Variants in ANKRD9 observed in about 807,000 individuals in gnomAD.
The protein encoded by ANKRD9 is ankyrin repeat domain 9.
A neutral mutation model predicts 19.2 loss-of-function variants in ANKRD9; 13 were observed. The observed-to-expected ratio is 0.68, with a 90% CI of 0.44 to 1.08. The LOEUF is 1.08. Among genes scored for constraint, ANKRD9 ranks in the 50% least tolerant of loss-of-function variants. The pLI is 0.00. For synonymous variants in ANKRD9, 278 were observed against 256.8 expected, an observed-to-expected ratio of 1.08 and a Z score of -0.79; for missense variants, 518 against 499.9, an observed-to-expected ratio of 1.04 and a Z score of -0.34.
Position 102,506,897 on chromosome 14 carries a change from A to T in ANKRD9, c.*39T>A. The T allele has an allele frequency of 7.0e-7, 1 of 1,425,850 alleles. No homozygotes were observed. The allele number at this position is 1,425,850 out of a possible 1,614,324, so 88.3% of individuals were successfully genotyped here. On this transcript the variant is annotated 3_prime_UTR_variant, in exon 4 of 4. Coordinates refer to ENST00000286918, the MANE Select transcript of ANKRD9 (RefSeq NM_152326.4). ...GTGCCGGTACAACGCTCTGAAAAAT[A>T]GTTTTGTCCCAAAATCCAGCGCCTA... is the stretch of plus-strand genomic sequence containing the variant.
Position 102,505,279 on chromosome 14 carries a change from C to CCCG in ANKRD9, c.*1656_*1657insCGG, listed in dbSNP as rs1036617511. The CCCG allele has an allele frequency of 4.6e-5, 7 of 152,062 alleles. No homozygotes were observed. The highest frequency in any genetic ancestry group is 3.2e-3 in the Middle Eastern group (1 of 316). 9.4% of individuals were successfully genotyped at this position (152,062 alleles called of 1,614,324 possible). On this transcript the variant is annotated 3_prime_UTR_variant, in exon 4 of 4. Coordinates refer to ENST00000286918, the MANE Select transcript of ANKRD9 (RefSeq NM_152326.4). ...CCCTCCAAAGGAGAGGCACCTCCCC[C>CCCG]CCCCATGGCATCTCCAATCTGAGGA...
In ANKRD9 at chr14:102,503,206, A is replaced by G. The variant is rs1177695461; in HGVS notation, c.*3730T>C. 1.3e-5 allele frequency: 2 copies of G among 151,812 alleles called. No homozygotes were observed. The highest frequency in any genetic ancestry group is 6.6e-5 in the Admixed American group (1 of 15,222). The allele number at this position is 151,812 out of a possible 1,614,324, so 9.4% of individuals were successfully genotyped here. On this transcript the variant is annotated 3_prime_UTR_variant, in exon 4 of 4. Coordinates refer to ENST00000286918, the MANE Select transcript of ANKRD9 (RefSeq NM_152326.4). ...CCAGTCTGGATGACAGAGCAAGACTACATCTCAAATAAATAAATAAATACA... is the reference window on the plus strand; with the variant it reads ...CCAGTCTGGATGACAGAGCAAGACTGCATCTCAAATAAATAAATAAATACA...
rs1891655084 is a variant in ANKRD9 at position 102,507,639 on chromosome 14, T to C, written c.251A>G (p.His84Arg). 2 of 1,538,032 alleles carry C rather than the reference T, an allele frequency of 1.3e-6. No individual in the cohort carries two copies. The highest frequency in any genetic ancestry group is 1.8e-5 in the Admixed American group (1 of 54,750). The change falls in exon 4 of 4, where the codon CAC (histidine) becomes CGC (arginine). Residue 84 changes from histidine (H) to arginine (R), a missense_variant. Physicochemically the swap from His to Arg is conservative, Grantham distance 29. Transcript: ENST00000286918. This position sits in a 1 kb window ranked among gnomAD's most constrained non-coding sequence, Gnocchi z 9.2. ...EALLYALVHD[H>R]QAYAHYLLAT... is the part of the protein sequence containing the mutation. ...CAGCAGGTAATGCGCGTACGCTTGG[T>C]GGTCGTGCACGAGCGCGTAGAGCAG...
chr14:102,507,941 A>C lies in ANKRD9; in HGVS notation c.-52T>G. 1.8e-6 allele frequency: 2 copies of C among 1,094,288 alleles called. No individual in the cohort carries two copies. The highest frequency in any genetic ancestry group is 2.2e-6 in the Non-Finnish European group (2 of 890,314). The allele number at this position is 1,094,288 out of a possible 1,614,324, so 67.8% of individuals were successfully genotyped here. A position where few individuals can be genotyped will look rare whatever the true frequency, so the allele number is the denominator to read the frequency against. On this transcript the variant is annotated splice_region_variant and 5_prime_UTR_variant, in exon 4 of 4. Coordinates refer to ENST00000286918, the MANE Select transcript of ANKRD9 (RefSeq NM_152326.4). This position sits in a 1 kb window ranked among gnomAD's most constrained non-coding sequence, Gnocchi z 9.2. ...CAAGGCATGGATCCCGCGAAGGCAC[A>C]CCTGCGGGGAAAGGAAGAGGCCACG...
rs1254582816 is a variant in ANKRD9 at position 102,509,655 on chromosome 14, C to T, written c.-461G>A. 1 of 145,444 alleles carries T rather than the reference C, an allele frequency of 6.9e-6. No homozygotes were observed. The highest frequency in any genetic ancestry group is 1.5e-5 in the Non-Finnish European group (1 of 65,492). The allele number at this position is 145,444 out of a possible 1,614,324, so 9.0% of individuals were successfully genotyped here. On this transcript the variant is annotated 5_prime_UTR_variant, in exon 1 of 4. Transcript: ENST00000286918. ...ACGCACGGGAGGGAGCCACCGCCGCCCGCGCCCGCCGCAGCCGCGCTCTGA... is the reference window on the plus strand; with the variant it reads ...ACGCACGGGAGGGAGCCACCGCCGCTCGCGCCCGCCGCAGCCGCGCTCTGA...
At position 102,507,183 on chromosome 14, in the gene ANKRD9, G is replaced by A; in HGVS notation, c.707C>T (p.Ala236Val). The change falls in exon 4 of 4, where the codon GCG becomes GTG. Residue 236 changes from alanine to valine, a missense_variant. Ala to Val is a moderately conservative substitution (Grantham distance 64). Coordinates refer to ENST00000286918, the MANE Select transcript of ANKRD9 (RefSeq NM_152326.4). The surrounding 1 kb of genome is among the most constrained non-coding windows in gnomAD (Gnocchi z 9.2). ...GGCGGCACCCACGGGGGTGTACAGC[G>A]CCAGGAGGTCCAGCAGCAGCAGGCG... ...QRRLLLLDLLALYTPVGAAGS... is the reference protein window; with the variant it reads ...QRRLLLLDLLVLYTPVGAAGS... 7.4e-7 allele frequency: 1 copy of A among 1,343,972 alleles called. No individual in the cohort carries two copies. Among genetic ancestry groups the A allele is most frequent in the Non-Finnish European group, 9.5e-7 (1 of 1,052,874 alleles). The allele number at this position is 1,343,972 out of a possible 1,614,324, so 83.3% of individuals were successfully genotyped here.
At position 102,507,359 on chromosome 14, in the gene ANKRD9, C is replaced by A; in HGVS notation, c.531G>T (p.Leu177=). The stretch of plus-strand genomic sequence containing the variant: ...CGGGCGAGGCGCCGTGGCCCAGCAG[C>A]AGGAAGAGGCACTCGGGGCGCGCCA... ...CELARPECLF[L]LLGHGASPGL... Residue 177 remains leucine (L), a synonymous_variant, in exon 4 of 4, where the codon CTG becomes CTT. Transcript: ENST00000286918. The surrounding 1 kb of genome is among the most constrained non-coding windows in gnomAD (Gnocchi z 9.2). The A allele has an allele frequency of 7.5e-7, 1 of 1,330,902 alleles. No individual in the cohort carries two copies. The allele number at this position is 1,330,902 out of a possible 1,614,324, so 82.4% of individuals were successfully genotyped here.
rs1891666654 is a variant in ANKRD9 at position 102,507,857 on chromosome 14, G to T, written c.33C>A (p.Gly11=). The T allele has an allele frequency of 8.3e-7, 1 of 1,203,474 alleles. No homozygotes were observed. 74.5% of individuals were successfully genotyped at this position (1,203,474 alleles called of 1,614,324 possible). A position where few individuals can be genotyped will look rare whatever the true frequency, so the allele number is the denominator to read the frequency against. The change falls in exon 4 of 4, where the codon GGC becomes GGA. Residue 11 remains glycine (G), a synonymous_variant. Transcript: ENST00000286918. This position sits in a 1 kb window ranked among gnomAD's most constrained non-coding sequence, Gnocchi z 9.2. ...CCGAGGCCTCGGGCCCGCCGTCCGC[G>T]CCACCCCCAGGCCGCCGCGCGTCCC... The part of the protein sequence containing the change: MPWDARRPGG[G]ADGGPEASGA...
In ANKRD9 at chr14:102,507,195, A is replaced by C; in HGVS notation, c.695T>G (p.Leu232Arg). 1 of 1,311,816 alleles carries C rather than the reference A, an allele frequency of 7.6e-7. No individual in the cohort carries two copies. Among genetic ancestry groups the C allele is most frequent in the Non-Finnish European group, 9.7e-7 (1 of 1,033,312 alleles). 81.3% of individuals were successfully genotyped at this position (1,311,816 alleles called of 1,614,324 possible). ...GGGGGTGTACAGCGCCAGGAGGTCC[A>C]GCAGCAGCAGGCGGCGCTGGCGCGG... ...GEPRQRRLLL[L>R]DLLALYTPVG... The change falls in exon 4 of 4, where the codon CTG (leucine) becomes CGG (arginine). Residue 232 changes from leucine to arginine, a missense_variant. Transcript: ENST00000286918. This position sits in a 1 kb window ranked among gnomAD's most constrained non-coding sequence, Gnocchi z 9.2.
In ANKRD9 at chr14:102,505,281, C is replaced by CT. The variant is rs371892398; in HGVS notation, c.*1654_*1655insA. 2 of 152,138 alleles carry CT rather than the reference C, an allele frequency of 1.3e-5. No individual in the cohort carries two copies. Among genetic ancestry groups the CT allele is most frequent in the African/African-American group, 4.8e-5 (2 of 41,426 alleles). 9.4% of individuals were successfully genotyped at this position (152,138 alleles called of 1,614,324 possible). ...CTCCAAAGGAGAGGCACCTCCCCCC[C>CT]CCATGGCATCTCCAATCTGAGGACC... On this transcript the variant is annotated 3_prime_UTR_variant, in exon 4 of 4. Transcript: ENST00000286918.
At position 102,502,903 on chromosome 14, in the gene ANKRD9, T is replaced by C. The variant is rs1422915861; in HGVS notation, c.*4033A>G. On this transcript the variant is annotated 3_prime_UTR_variant, in exon 4 of 4. Transcript: ENST00000286918. The stretch of plus-strand genomic sequence containing the variant: ...CCCAGTGTTCTACAGTGAACATGAA[T>C]TTTATAAGCAGAAAGAAATTACTTT... 6.6e-6 allele frequency: 1 copy of C among 152,162 alleles called. No individual in the cohort carries two copies. Among genetic ancestry groups the C allele is most frequent in the East Asian group, 1.9e-4 (1 of 5,190 alleles). The allele number at this position is 152,162 out of a possible 1,614,324, so 9.4% of individuals were successfully genotyped here. A position where few individuals can be genotyped will look rare whatever the true frequency, so the allele number is the denominator to read the frequency against.
In ANKRD9 at chr14:102,509,710, T is replaced by A. The variant is rs939518537; in HGVS notation, c.-516A>T. The A allele has an allele frequency of 7.0e-6, 1 of 143,434 alleles. No homozygotes were observed. Among genetic ancestry groups the A allele is most frequent in the South Asian group, 2.2e-4 (1 of 4,628 alleles). The allele number at this position is 143,434 out of a possible 1,614,324, so 8.9% of individuals were successfully genotyped here. ...CCGCGGCCGGATCGCAGGGCGGCGG[T>A]GCCGTCGCCGGCGGCGGGCGGCGGG... is the stretch of plus-strand genomic sequence containing the variant. On this transcript the variant is annotated 5_prime_UTR_variant, in exon 1 of 4. Transcript: ENST00000286918.
rs908902967 is a variant in ANKRD9, at chr14:102,502,127, G to A, written c.*4809C>T. ...AGCCTGCAGCTATTAAGAAGCACGTGTGTGCAGGAAGCGGAGGCGCAGGAC... is the reference window on the plus strand; with the variant it reads ...AGCCTGCAGCTATTAAGAAGCACGTATGTGCAGGAAGCGGAGGCGCAGGAC... On this transcript the variant is annotated 3_prime_UTR_variant, in exon 4 of 4. Transcript: ENST00000286918. 6.6e-6 allele frequency: 1 copy of A among 152,282 alleles called. No homozygotes were observed. Among genetic ancestry groups the A allele is most frequent in the Non-Finnish European group, 1.5e-5 (1 of 68,056 alleles). 9.4% of individuals were successfully genotyped at this position (152,282 alleles called of 1,614,324 possible).
rs750654437 is a variant in ANKRD9 at position 102,507,120 on chromosome 14, C to T, written c.770G>A (p.Arg257His). 9.2e-4 allele frequency: 1,369 copies of T among 1,492,982 alleles called. 2 individuals are homozygous for T. The highest frequency in any genetic ancestry group is 1.1e-3 in the Non-Finnish European group (1,282 of 1,128,408). 92.5% of individuals were successfully genotyped at this position (1,492,982 alleles called of 1,614,324 possible). A position where few individuals can be genotyped will look rare whatever the true frequency, so the allele number is the denominator to read the frequency against. The part of the protein sequence containing the change: ...ARQELLGDRP[R>H]WQRLLGEDKF... ...GTCCTCACCCAGCAGCCGCTGCCAG[C>T]GCGGCCGGTCGCCCAGCAGCTCCTG... The change falls in exon 4 of 4, where the codon CGC becomes CAC. Residue 257 changes from arginine (R) to histidine (H), a missense_variant. By Grantham distance (29) the Arg-to-His change is conservative (BLOSUM62 0). Transcript: ENST00000286918. This position sits in a 1 kb window ranked among gnomAD's most constrained non-coding sequence, Gnocchi z 9.2.
In ANKRD9 at chr14:102,507,781, A is replaced by T; in HGVS notation, c.109T>A (p.Phe37Ile). 7.1e-7 allele frequency: 1 copy of T among 1,417,880 alleles called. No individual in the cohort carries two copies. Among genetic ancestry groups the T allele is most frequent in the Non-Finnish European group, 9.3e-7 (1 of 1,074,944 alleles). 87.8% of individuals were successfully genotyped at this position (1,417,880 alleles called of 1,614,324 possible). The change falls in exon 4 of 4, where the codon TTC becomes ATC. Residue 37 changes from phenylalanine (F) to isoleucine (I), a missense_variant. Physicochemically the swap from Phe to Ile is conservative, Grantham distance 21. Transcript: ENST00000286918. The surrounding 1 kb of genome is among the most constrained non-coding windows in gnomAD (Gnocchi z 9.2). Reference sequence around the variant, plus strand: ...AGCAGGTCGCGCACCGCCTGGTAGAAGGCGAACGACGACTTGCGGCACTGC... The same window carrying T: ...AGCAGGTCGCGCACCGCCTGGTAGATGGCGAACGACGACTTGCGGCACTGC... ...QKQCRKSSFAFYQAVRDLLPV... is the reference protein window; with the variant it reads ...QKQCRKSSFAIYQAVRDLLPV...
chr14:102,508,036 G>T lies in ANKRD9; in HGVS notation c.-53-94C>A. The T allele has an allele frequency of 1.1e-6, 1 of 888,510 alleles. No homozygotes were observed. Among genetic ancestry groups the T allele is most frequent in the Non-Finnish European group, 1.4e-6 (1 of 721,890 alleles). 55.0% of individuals were successfully genotyped at this position (888,510 alleles called of 1,614,324 possible). On this transcript the variant is annotated intron_variant, in intron 3 of 3. Transcript: ENST00000286918. This position sits in a 1 kb window ranked among gnomAD's most constrained non-coding sequence, Gnocchi z 6.2. ...CCCTCACACAGCCCCTCCGGTCCTG[G>T]CCCACCAGGCCTGTACCTACCTCCA...
rs1042116739 is a variant in ANKRD9 at position 102,507,205 on chromosome 14, G to A, written c.685C>T (p.Leu229=). The change falls in exon 4 of 4, where the codon CTG becomes TTG. Residue 229 remains leucine, a synonymous_variant. Coordinates refer to ENST00000286918, the MANE Select transcript of ANKRD9 (RefSeq NM_152326.4). This position sits in a 1 kb window ranked among gnomAD's most constrained non-coding sequence, Gnocchi z 9.2. ...SAPGEPRQRR[L]LLLDLLALYT... is the part of the protein sequence containing the mutation. Reference sequence around the variant, plus strand: ...AGCGCCAGGAGGTCCAGCAGCAGCAGGCGGCGCTGGCGCGGCTCCCCGGGA... The same window carrying A: ...AGCGCCAGGAGGTCCAGCAGCAGCAAGCGGCGCTGGCGCGGCTCCCCGGGA... 4.6e-6 allele frequency: 6 copies of A among 1,294,096 alleles called. No homozygotes were observed. In the African/African-American group the frequency reaches 7.8e-5, roughly 17 times the overall value. 80.2% of individuals were successfully genotyped at this position (1,294,096 alleles called of 1,614,324 possible).
rs565960139 is a variant in ANKRD9 at position 102,502,560 on chromosome 14, T to C, written c.*4376A>G. 2.5e-3 allele frequency: 385 copies of C among 152,644 alleles called. 9 individuals carry two copies. The highest frequency in any genetic ancestry group is 5.6e-4 in the Non-Finnish European group (38 of 68,022). The allele number at this position is 152,644 out of a possible 1,614,324, so 9.5% of individuals were successfully genotyped here. On this transcript the variant is annotated 3_prime_UTR_variant, in exon 4 of 4. Coordinates refer to ENST00000286918, the MANE Select transcript of ANKRD9 (RefSeq NM_152326.4). ...GTAGACACCAATGACTTCTTAAAAA[T>C]CATATTTACAAAGTACAATGGGGGA...
Position 102,507,671 on chromosome 14 carries a change from A to T in ANKRD9, c.219T>A (p.Ser73=). 6.4e-7 allele frequency: 1 copy of T among 1,556,546 alleles called. No individual in the cohort carries two copies. The highest frequency in any genetic ancestry group is 8.6e-7 in the Non-Finnish European group (1 of 1,156,748). Residue 73 remains serine, a synonymous_variant, in exon 4 of 4, where the codon TCT becomes TCA. Coordinates refer to ENST00000286918, the MANE Select transcript of ANKRD9 (RefSeq NM_152326.4). The surrounding 1 kb of genome is among the most constrained non-coding windows in gnomAD (Gnocchi z 9.2). ...GCACGAGCGCGTAGAGCAGCGCCTCAGAGGGCGAGTAGGCGGCGGCGCGCC... is the reference window on the plus strand; with the variant it reads ...GCACGAGCGCGTAGAGCAGCGCCTCTGAGGGCGAGTAGGCGGCGGCGCGCC... ...ERGRAAAYSP[S]EALLYALVHD... is the part of the protein sequence containing the mutation.
Sources: gnomAD v4.1 joint callset for allele counts on GRCh38, gnomAD v4.1.1 for gene constraint, Gnocchi (gnomAD v3.1) non-coding constraint, MANE v1.5 for transcripts, NCBI Gene and HGNC (gene_info 2026-07-23, HGNC 2026-07-21) for gene names.